Variants in GREB1L observed in about 807,000 individuals in gnomAD.
The protein encoded by GREB1L is GREB1 like retinoic acid receptor coactivator, also known as GREB1-like protein.
A neutral mutation model predicts 200.8 loss-of-function variants in GREB1L; 17 were observed. The ratio of observed to expected loss-of-function variants is 0.08; its 90% CI spans 0.06 to 0.13. The LOEUF (loss-of-function observed/expected upper bound fraction) is 0.13, where lower values mean the gene tolerates loss of function less well. GREB1L is among the 10% of genes least tolerant of loss of function. GREB1L has a pLI of 1.00. For synonymous variants in GREB1L, 789 were observed against 893.0 expected (o/e 0.88, Z 2.08); for missense variants, 1,657 against 2,367.7 (o/e 0.70, Z 6.23).
At chr18:21,465,085 A>G (rs1329572901) in intron 15 of GREB1L, among the ~76,000 whole-genome samples, 3 of 152,198 alleles carry the variant, frequency 2.0e-5, no homozygotes, top group Admixed American at 1.3e-4. Flanking sequence ...ATTACCTCAC[A>G]TACTTATTAT....
At chr18:21,400,253 G>C (rs971081088) in intron 5 of GREB1L, among the ~76,000 whole-genome samples, 7 of 151,608 alleles carry the variant, frequency 4.6e-5, no homozygotes, top group Non-Finnish European at 8.8e-5. Flanking sequence ...CCAGTTTTCT[G>C]TTTCTTCTTT....
At chr18:21,452,404 G>T (rs1443037335) in intron 14 of GREB1L, 187 bp downstream of exon 14, 21 of 552,210 alleles carry the variant, frequency 3.8e-5, no homozygotes, top group Admixed American at 1.8e-4. Flanking sequence ...CAAAGGCTTT[G>T]TTCCTAGTAA....
intron 1 of GREB1L, among the ~76,000 whole-genome samples, chr18:21,359,495 TA>T (rs1278385170): frequency 1.3e-5 from 2 of 152,164 alleles, no homozygotes; most frequent in Non-Finnish European, 2.9e-5. Context: ...AGTCAAGTCT[TA>T]TTCAAGTTAG....
intron 1 of GREB1L, among the ~76,000 whole-genome samples, chr18:21,274,952 A>G (rs1427085646): frequency 1.3e-5 from 2 of 152,038 alleles, no homozygotes; most frequent in Non-Finnish European, 2.9e-5. Flanking sequence ...CAATGAAAAA[A>G]ATAAAATAGT....
chr18:21,275,000 G>C (rs1252634235), intron 1 of GREB1L, among the ~76,000 whole-genome samples: 1 of 152,150 alleles, frequency 6.6e-6, no homozygotes, highest in Admixed American at 6.5e-5. Flanking sequence ...CCAGCACTTT[G>C]AGAGGCCGAG....
intron 17 of GREB1L, among the ~76,000 whole-genome samples, chr18:21,482,299 C>A (rs778902250): frequency 2.6e-5 from 4 of 152,248 alleles, no homozygotes; most frequent in Non-Finnish European, 5.9e-5. Flanking sequence ...ACTCTGTTAG[C>A]CAGGTTGGAG....
intron 15 of GREB1L, among the ~76,000 whole-genome samples, chr18:21,465,759 C>T (rs1423125734): frequency 6.6e-6 from 1 of 152,138 alleles, no homozygotes. Flanking sequence ...TACATTCCCC[C>T]TTTTTAAGAA....
chr18:21,458,118 G>A (rs535926969), intron 15 of GREB1L, among the ~76,000 whole-genome samples: 1 of 152,056 alleles, frequency 6.6e-6, no homozygotes, highest in South Asian at 2.1e-4. Context: ...ACAGGCATGC[G>A]CCACCATGCC....
intron 4 of GREB1L, among the ~76,000 whole-genome samples, chr18:21,392,217 T>A (rs1328509559): frequency 1.3e-5 from 2 of 152,190 alleles, no homozygotes; most frequent in African/African-American, 2.4e-5. Context: ...AATAAGGTAA[T>A]CTATATAGTA....
Position 21,515,351 on chromosome 18 carries a change from A to G in GREB1L, c.4902-66A>G, listed in dbSNP as rs570741386. 141 of 1,077,150 alleles carry G rather than the reference A, an allele frequency of 1.3e-4. 1 individual carries two copies. The South Asian group carries it at 1.9e-3, about 14-fold the overall frequency. 66.7% of individuals were successfully genotyped at this position (1,077,150 alleles called of 1,614,324 possible). ...ATTACTGGTATATAGTAGTGTGTAGACACTTCACAAATGATCCTCTCTTCT... is the reference window on the plus strand; with the variant it reads ...ATTACTGGTATATAGTAGTGTGTAGGCACTTCACAAATGATCCTCTCTTCT... On this transcript the variant is annotated intron_variant, in intron 28 of 32. Coordinates refer to ENST00000424526, the MANE Select transcript of GREB1L (RefSeq NM_001142966.3).
chr18:21,508,061 A>G, intron 25 of GREB1L, 57 bp from the exon 26 acceptor site: 2 of 1,496,610 alleles, frequency 1.3e-6, no homozygotes, highest in Non-Finnish European at 1.8e-6. Flanking sequence ...AGTGGCCTGG[A>G]AGTTTGGAAA....
At chr18:21,332,259 A>T (rs2145049273) in intron 1 of GREB1L, among the ~76,000 whole-genome samples, 1 of 152,338 alleles carries the variant, frequency 6.6e-6, no homozygotes, top group African/African-American at 2.4e-5. Context: ...ATTTGCCTCT[A>T]TGCTAAGTGG....
intron 16 of GREB1L, among the ~76,000 whole-genome samples, chr18:21,476,590 T>A (rs75119171): frequency 6.6e-6 from 1 of 151,902 alleles, no homozygotes; most frequent in Admixed American, 6.6e-5. Flanking sequence ...GTTTTTTTTT[T>A]AAACAGTCTA....
chr18:21,242,876 A>T (rs1598598901), intron 1 of GREB1L, among the ~76,000 whole-genome samples: 1 of 152,044 alleles, frequency 6.6e-6, no homozygotes, highest in Non-Finnish European at 1.5e-5. Context: ...GGCGGGCGAC[A>T]GGTAGGGCGC....
At chr18:21,408,384 C>A (rs1388868947) in intron 7 of GREB1L, among the ~76,000 whole-genome samples, 1 of 152,118 alleles carries the variant, frequency 6.6e-6, no homozygotes, top group Non-Finnish European at 1.5e-5. Context: ...AGATGACAGT[C>A]CAACTGAAAT....
rs188572902 is a variant in GREB1L, at chr18:21,332,236, A to G, written c.-119-33791A>G. 1.8e-3 allele frequency among the ~76,000 whole-genome samples: 277 copies of G among 152,326 alleles called. 1 individual carries two copies. The highest frequency in any genetic ancestry group is 4.4e-3 in the Admixed American group (67 of 15,296). On this transcript the variant is annotated intron_variant, in intron 1 of 32. Transcript: ENST00000424526. ...TGTCATCCTCAGGGACTGTTGAAGC[A>G]TGGTGTAGGGTTATTTGCCTCTATG...
Position 21,505,658 on chromosome 18 carries a change from G to C in GREB1L, c.4228+91G>C, listed in dbSNP as rs934734085. ...CATCTCACTTTTCTTTCGCTCTTATGCGCATCATTTTTTAAATTTTCATAA... is the reference window on the plus strand; with the variant it reads ...CATCTCACTTTTCTTTCGCTCTTATCCGCATCATTTTTTAAATTTTCATAA... On this transcript the variant is annotated intron_variant, in intron 24 of 32. Coordinates refer to ENST00000424526, the MANE Select transcript of GREB1L (RefSeq NM_001142966.3). The C allele has an allele frequency of 2.8e-6, 4 of 1,447,836 alleles. No homozygotes were observed. In the African/African-American group the frequency reaches 5.7e-5, roughly 21 times the overall value. 89.7% of individuals were successfully genotyped at this position (1,447,836 alleles called of 1,614,324 possible).
At chr18:21,291,290 C>G (rs2038446239) in intron 1 of GREB1L, among the ~76,000 whole-genome samples, 1 of 152,174 alleles carries the variant, frequency 6.6e-6, no homozygotes, top group African/African-American at 2.4e-5. Context: ...CCTGACTCTC[C>G]CCAAACCTGT....
chr18:21,368,885 A>C (rs1380834655), intron 2 of GREB1L, among the ~76,000 whole-genome samples: 2 of 152,204 alleles, frequency 1.3e-5, no homozygotes, highest in Non-Finnish European at 2.9e-5. Flanking sequence ...AAAGCCAAAA[A>C]AAACCTGTAG....
Sources: gnomAD v4.1 joint callset for allele counts (sites outside exome capture counted in the v4.1 genomes callset) on GRCh38, gnomAD v4.1.1 for gene constraint, MANE v1.5 for transcripts, NCBI Gene and HGNC (gene_info 2026-07-23, HGNC 2026-07-21) for gene names.